ADAMTS9: variants seen among roughly 807,000 people sequenced by gnomAD.
ADAMTS9 encodes ADAM metallopeptidase with thrombospondin type 1 motif 9, also known as A disintegrin and metalloproteinase with thrombospondin motifs 9.
In ADAMTS9, 107 loss-of-function variants were observed where a neutral mutation model predicts 257.1. The observed-to-expected ratio is 0.42, with a 90% CI of 0.36 to 0.49. The LOEUF is 0.49. Among genes scored for constraint, ADAMTS9 ranks in the 20% least tolerant of loss-of-function variants. ADAMTS9 has a pLI of 0.03. For missense variants in ADAMTS9, 2,353 were observed against 2,469.1 expected, an observed-to-expected ratio of 0.95 and a Z score of 1.00; for synonymous variants, 982 against 880.9, an observed-to-expected ratio of 1.11 and a Z score of -2.03.
rs1273376906 is a variant in ADAMTS9, at chr3:64,539,192, C to T, written c.5613+11G>A. The T allele has an allele frequency of 4.3e-6, 7 of 1,609,968 alleles. No individual in the cohort carries two copies. Among genetic ancestry groups the T allele is most frequent in the African/African-American group, 1.3e-5 (1 of 74,958 alleles). On this transcript the variant is annotated intron_variant, in intron 37 of 39. Transcript: ENST00000498707. The stretch of plus-strand genomic sequence containing the variant: ...GAATCCCTGGCAAGGGGGAAGGCAC[C>T]AAGGACATACCTGTGGGCACTTGGC...
chr3:64,580,037 G>T (rs957200907), intron 28 of ADAMTS9, among the ~76,000 whole-genome samples: 9 of 152,184 alleles, frequency 5.9e-5, no homozygotes, highest in African/African-American at 2.2e-4. Context: ...TACCCTGCGT[G>T]TCATATAATG....
At chr3:64,541,066 C>T (rs776453623) in intron 36 of ADAMTS9, 29 bp downstream of exon 36, 38 of 1,612,200 alleles carry the variant, frequency 2.4e-5, no homozygotes, top group South Asian at 1.8e-4. Flanking sequence ...AGAACGCACA[C>T]GTTCCCAAAG....
intron 37 of ADAMTS9, among the ~76,000 whole-genome samples, chr3:64,538,650 T>C (rs1046260580): frequency 2.6e-5 from 4 of 152,194 alleles, no homozygotes; most frequent in African/African-American, 9.6e-5. Flanking sequence ...TATCATGCAA[T>C]ATTCAGATTC....
intron 38 of ADAMTS9, among the ~76,000 whole-genome samples, 173 bp downstream of exon 38, chr3:64,532,993 G>C (rs1182558204): frequency 6.6e-6 from 1 of 152,152 alleles, no homozygotes; most frequent in African/African-American, 2.4e-5. Context: ...CTTTAATCAC[G>C]TGTAAACACT....
At chr3:64,528,027 A>C (rs148991205) in intron 38 of ADAMTS9, among the ~76,000 whole-genome samples, 1 of 152,196 alleles carries the variant, frequency 6.6e-6, no homozygotes, top group East Asian at 1.9e-4. Flanking sequence ...ACTTCAAAGC[A>C]ATTCTTTGAT....
chr3:64,593,607 T>G (rs1265419204), intron 28 of ADAMTS9, among the ~76,000 whole-genome samples: 1 of 152,166 alleles, frequency 6.6e-6, no homozygotes, highest in African/African-American at 2.4e-5. Context: ...GCTAAGCAGA[T>G]AGCAAAGGAA....
chr3:64,626,421 T>A (rs1191580852), intron 16 of ADAMTS9, among the ~76,000 whole-genome samples: 3 of 152,206 alleles, frequency 2.0e-5, no homozygotes, highest in Non-Finnish European at 4.4e-5. Context: ...TAAGTATGTT[T>A]GTGTTGTAGA....
intron 6 of ADAMTS9, among the ~76,000 whole-genome samples, chr3:64,655,364 G>A (rs1401971642): frequency 6.6e-6 from 1 of 152,224 alleles, no homozygotes; most frequent in Admixed American, 6.5e-5. Flanking sequence ...TGTCACACCT[G>A]AGGGGAGGGA....
intron 38 of ADAMTS9, among the ~76,000 whole-genome samples, chr3:64,524,632 C>A (rs2082887951): frequency 6.6e-6 from 1 of 152,056 alleles, no homozygotes; most frequent in Non-Finnish European, 1.5e-5. Context: ...TGAATTTGAC[C>A]AATAAAAAAA....
At chr3:64,588,838 G>A (rs192965636) in intron 28 of ADAMTS9, 3 of 152,308 alleles carry the variant, frequency 2.0e-5, no homozygotes, top group Admixed American at 2.0e-4. Flanking sequence ...TGTCTCCAGT[G>A]AAATAGATGC....
chr3:64,661,338 C>G (rs1180514333), intron 3 of ADAMTS9, among the ~76,000 whole-genome samples: 1 of 152,096 alleles, frequency 6.6e-6, no homozygotes, highest in Non-Finnish European at 1.5e-5. Context: ...ATACCAGGAC[C>G]AAATCAATTG....
In ADAMTS9 at chr3:64,622,666, G is replaced by C. The variant is rs1460733264; in HGVS notation, c.2390-80C>G. On this transcript the variant is annotated intron_variant, in intron 16 of 39. Coordinates refer to ENST00000498707, the MANE Select transcript of ADAMTS9 (RefSeq NM_182920.2). ...TGAAATATGAAGTAACATCTGGATAGGTAGAGAGTCGCTGTGCACGGAATG... is the reference window on the plus strand; with the variant it reads ...TGAAATATGAAGTAACATCTGGATACGTAGAGAGTCGCTGTGCACGGAATG... The C allele has an allele frequency of 2.0e-6, 3 of 1,495,602 alleles. No homozygotes were observed. The African/African-American group carries it at 4.1e-5, about 21-fold the overall frequency. 92.6% of individuals were successfully genotyped at this position (1,495,602 alleles called of 1,614,324 possible).
At chr3:64,683,072 A>G (rs984211209) in intron 2 of ADAMTS9, among the ~76,000 whole-genome samples, 2 of 152,352 alleles carry the variant, frequency 1.3e-5, no homozygotes, top group African/African-American at 4.8e-5. Context: ...CAGAGTAGCT[A>G]GTTGCCAGAG....
At chr3:64,681,064 C>T in intron 3 of ADAMTS9, 137 bp downstream of exon 3, 2 of 1,003,156 alleles carry the variant, frequency 2.0e-6, no homozygotes, top group Non-Finnish European at 2.9e-6. Context: ...GTATGTATCC[C>T]TACATCATTT....
intron 38 of ADAMTS9, among the ~76,000 whole-genome samples, chr3:64,530,351 T>G (rs2082963072): frequency 6.6e-6 from 1 of 151,966 alleles, no homozygotes; most frequent in South Asian, 2.1e-4. Flanking sequence ...CAGGTAGCAT[T>G]GCTAGGACAT....
At chr3:64,557,213 C>T (rs2083350493) in intron 30 of ADAMTS9, among the ~76,000 whole-genome samples, 2 of 152,072 alleles carry the variant, frequency 1.3e-5, no homozygotes, top group Non-Finnish European at 2.9e-5. Context: ...AGAGGTACTA[C>T]AAGAGAAGAG....
chr3:64,537,109 A>C (rs1277532338), intron 37 of ADAMTS9, among the ~76,000 whole-genome samples: 2 of 152,172 alleles, frequency 1.3e-5, no homozygotes, highest in African/African-American at 4.8e-5. Flanking sequence ...GTGTCTAAGG[A>C]ATTGAATTCT....
intron 3 of ADAMTS9, among the ~76,000 whole-genome samples, chr3:64,661,326 G>A (rs1701217168): frequency 1.4e-5 from 2 of 138,758 alleles, no homozygotes; most frequent in African/African-American, 5.8e-5. Context: ...TTCAATATAT[G>A]CATACCAGGA....
rs2106858433 is a variant in ADAMTS9 at position 64,516,661 on chromosome 3, A to G, written c.*466T>C. ...CATACTTATTGGCTGATACTTGCCT[A>G]GAAATGCCAAAAATATCTTTTATAC... On this transcript the variant is annotated 3_prime_UTR_variant, in exon 40 of 40. Transcript: ENST00000498707. 6.5e-6 allele frequency: 1 copy of G among 152,790 alleles called. No individual in the cohort carries two copies. The highest frequency in any genetic ancestry group is 2.4e-5 in the African/African-American group (1 of 41,588). 9.5% of individuals were successfully genotyped at this position (152,790 alleles called of 1,614,324 possible).
Sources: allele counts gnomAD v4.1 joint callset (sites outside exome capture counted in the v4.1 genomes callset), GRCh38; gene constraint gnomAD v4.1.1; transcripts MANE v1.5; gene names NCBI Gene and HGNC (gene_info 2026-07-23, HGNC 2026-07-21).